PTPRG: variants seen among roughly 807,000 people sequenced by gnomAD.
The protein encoded by PTPRG is receptor-type tyrosine-protein phosphatase gamma.
PTPRG carries 102 observed loss-of-function variants against 165.3 expected under a neutral mutation model. That is an observed-to-expected ratio of 0.62 (90% CI 0.53 to 0.73). The LOEUF (loss-of-function observed/expected upper bound fraction) is 0.73. PTPRG is among the 30% of genes least tolerant of loss of function. The pLI, the probability that PTPRG is intolerant of heterozygous loss-of-function variation, is 0.00. For missense variants in PTPRG, 1,866 were observed against 1,861.4 expected, an observed-to-expected ratio of 1.00 and a Z score of -0.05; for synonymous variants, 675 against 669.5, an observed-to-expected ratio of 1.01 and a Z score of -0.13.
At chr3:62,053,244 A>T in intron 4 of PTPRG, among the ~76,000 whole-genome samples, 1 of 144,556 alleles carries the variant, frequency 6.9e-6, no homozygotes, top group Non-Finnish European at 1.5e-5. Context: ...GATTATCTGT[A>T]TTTTGAACTT....
intron 5 of PTPRG, among the ~76,000 whole-genome samples, chr3:62,107,749 G>T (rs2174928): frequency 0.72 from 109,441 of 152,152 alleles, 39,676 homozygotes; most frequent in Middle Eastern, 0.78. Flanking sequence ...CATATTTGTT[G>T]ATTCATCCAT....
chr3:61,601,914 ACATACT>A (rs1267332983), intron 1 of PTPRG, among the ~76,000 whole-genome samples: 2 of 152,192 alleles, frequency 1.3e-5, no homozygotes, highest in Non-Finnish European at 2.9e-5. Context: ...AGCAGAGGGA[ACATACT>A]ACTCACTCTC....
intron 5 of PTPRG, among the ~76,000 whole-genome samples, chr3:62,084,682 C>T (rs1231430049): frequency 6.6e-6 from 1 of 152,162 alleles, no homozygotes; most frequent in Non-Finnish European, 1.5e-5. Flanking sequence ...GGCGAGGAAG[C>T]CTTTCTCTCC....
chr3:61,600,157 C>A (rs1159754159), intron 1 of PTPRG, among the ~76,000 whole-genome samples: 2 of 82,886 alleles, frequency 2.4e-5, no homozygotes, highest in African/African-American at 6.6e-5. Flanking sequence ...GAGACATTGT[C>A]TCAAAAAAAA....
rs2034024076 is a variant in PTPRG, at chr3:61,766,616, A to AT, written c.190+17634_190+17635insT. On this transcript the variant is annotated intron_variant, in intron 2 of 29. Transcript: ENST00000474889. ...TAACACCATTATTAATGTTAAAAAAAATTTTTTTTTTTTTTCGTTTAAGAC... is the reference window on the plus strand; with the variant it reads ...TAACACCATTATTAATGTTAAAAAAATATTTTTTTTTTTTTTCGTTTAAGAC... Among the ~76,000 whole-genome samples the AT allele has an allele frequency of 2.4e-3, 356 of 148,090 alleles. 1 individual carries two copies. The highest frequency in any genetic ancestry group is 7.1e-3 in the African/African-American group (288 of 40,370).
chr3:61,979,428 C>T (rs1575845159), intron 2 of PTPRG, among the ~76,000 whole-genome samples: 1 of 152,178 alleles, frequency 6.6e-6, no homozygotes, highest in South Asian at 2.1e-4. Context: ...TCTCTGACAT[C>T]GTGAGGCTCA....
At chr3:61,662,269 T>A (rs997573728) in intron 1 of PTPRG, among the ~76,000 whole-genome samples, 1 of 152,196 alleles carries the variant, frequency 6.6e-6, no homozygotes, top group Non-Finnish European at 1.5e-5. Context: ...AGACAATATC[T>A]CTAAAGAGAC....
At chr3:61,749,003 G>T in intron 2 of PTPRG, 21 bp downstream of exon 2, 1 of 1,588,588 alleles carries the variant, frequency 6.3e-7, no homozygotes, top group Non-Finnish European at 8.6e-7. Flanking sequence ...TTGTTCTAAT[G>T]GAGATCACAC....
chr3:61,753,107 T>C (rs1177030190), intron 2 of PTPRG, among the ~76,000 whole-genome samples: 1 of 152,194 alleles, frequency 6.6e-6, no homozygotes, highest in Non-Finnish European at 1.5e-5. Flanking sequence ...AGATTTGTTG[T>C]TTCTCTGGAT....
chr3:62,232,312 G>GT (rs1700920689), intron 14 of PTPRG, among the ~76,000 whole-genome samples: 2 of 152,180 alleles, frequency 1.3e-5, no homozygotes, highest in Admixed American at 6.5e-5. Flanking sequence ...TTTTGGCCTT[G>GT]TAGGGAAAGC....
chr3:61,931,007 G>A (rs1189519237), intron 2 of PTPRG, among the ~76,000 whole-genome samples: 2 of 152,220 alleles, frequency 1.3e-5, no homozygotes, highest in Non-Finnish European at 2.9e-5. Flanking sequence ...GTTGCAGTGA[G>A]CTGAGATCAC....
At chr3:62,292,637 T>C (rs1702940186) in intron 29 of PTPRG, 81 bp downstream of exon 29, 2 of 1,515,564 alleles carry the variant, frequency 1.3e-6, no homozygotes, top group Non-Finnish European at 1.8e-6. Flanking sequence ...AGTTCTCAAT[T>C]GGGGGTGATT....
chr3:61,940,617 T>A (rs149951593), intron 2 of PTPRG, among the ~76,000 whole-genome samples: 1 of 152,200 alleles, frequency 6.6e-6, no homozygotes, highest in Non-Finnish European at 1.5e-5. Context: ...TTTATTCTGG[T>A]TTTTATTGAT....
intron 1 of PTPRG, among the ~76,000 whole-genome samples, chr3:61,578,929 G>A (rs775218684): frequency 1.3e-5 from 2 of 152,196 alleles, no homozygotes; most frequent in African/African-American, 2.4e-5. Flanking sequence ...GGTTTCAGTG[G>A]TAAGTTCTTT....
Position 61,580,651 on chromosome 3 carries a change from A to G in PTPRG, c.85+18279A>G, listed in dbSNP as rs560181682. ...CGCCCGGCCATCTGATTTATGGTTG[A>G]TAAAATACTATAATGTATTTTAAAC... On this transcript the variant is annotated intron_variant, in intron 1 of 29. Transcript: ENST00000474889. Among the ~76,000 whole-genome samples, 9 of 152,328 alleles carry G rather than the reference A, an allele frequency of 5.9e-5. No individual in the cohort carries two copies. The East Asian group carries it at 9.6e-4, about 16-fold the overall frequency.
intron 2 of PTPRG, among the ~76,000 whole-genome samples, chr3:61,873,257 AGTAG>A (rs2037632507): frequency 6.6e-6 from 1 of 152,222 alleles, no homozygotes; most frequent in Admixed American, 6.5e-5. Flanking sequence ...TTCACCAGGC[AGTAG>A]GTGAATTTGA....
At chr3:61,577,451 TA>T (rs1700194724) in intron 1 of PTPRG, among the ~76,000 whole-genome samples, 1 of 152,190 alleles carries the variant, frequency 6.6e-6, no homozygotes, top group African/African-American at 2.4e-5. Flanking sequence ...ATGGCATGTC[TA>T]AATTGAGATG....
intron 1 of PTPRG, among the ~76,000 whole-genome samples, chr3:61,563,085 C>T (rs943117732): frequency 1.3e-5 from 2 of 151,832 alleles, no homozygotes; most frequent in Non-Finnish European, 2.9e-5. Context: ...GTGGCCCTTT[C>T]CCTCCGCTGC....
intron 5 of PTPRG, among the ~76,000 whole-genome samples, chr3:62,131,717 T>C (rs184101785): frequency 2.7e-4 from 41 of 152,274 alleles, no homozygotes; most frequent in African/African-American, 8.7e-4. Context: ...GAAAATTGTA[T>C]AATGACCCAT....
Sources: gnomAD v4.1 joint callset for allele counts (sites outside exome capture counted in the v4.1 genomes callset) on GRCh38, gnomAD v4.1.1 for gene constraint, MANE v1.5 for transcripts, NCBI Gene and HGNC (gene_info 2026-07-23, HGNC 2026-07-21) for gene names.